Variants in LHFPL3 observed in about 807,000 individuals in gnomAD.
LHFPL3 encodes LHFPL tetraspan subfamily member 3 protein.
A neutral mutation model predicts 19.3 loss-of-function variants in LHFPL3; 5 were observed. The observed-to-expected ratio is 0.26, with a 90% CI of 0.14 to 0.54. The LOEUF (loss-of-function observed/expected upper bound fraction) is 0.54. Among genes scored for constraint, LHFPL3 ranks in the 20% least tolerant of loss-of-function variants. LHFPL3 has a pLI of 0.94. For synonymous variants in LHFPL3, 133 were observed against 126.2 expected (o/e 1.05, Z -0.36); for missense variants, 249 against 307.4 (o/e 0.81, Z 1.42).
chr7:104,730,584 A>G (rs1793681360), intron 1 of LHFPL3, among the ~76,000 whole-genome samples: 1 of 140,468 alleles, frequency 7.1e-6, no homozygotes, highest in Non-Finnish European at 1.6e-5. Flanking sequence ...CCACTTTTTG[A>G]TGGGGTTGTT....
chr7:104,586,036 G>C (rs1043978645), intron 1 of LHFPL3, among the ~76,000 whole-genome samples: 1 of 152,074 alleles, frequency 6.6e-6, no homozygotes, highest in Non-Finnish European at 1.5e-5. Context: ...TACAGTTGAA[G>C]AGTGTCAGTC....
chr7:104,454,041 G>A (rs189397146), intron 1 of LHFPL3, among the ~76,000 whole-genome samples: 1 of 152,218 alleles, frequency 6.6e-6, no homozygotes, highest in East Asian at 1.9e-4. Flanking sequence ...TGCCTAATAC[G>A]CCTGTCTACA....
chr7:104,907,403 T>C lies in LHFPL3; in HGVS notation c.*1188T>C, dbSNP rs1385241401. On this transcript the variant is annotated 3_prime_UTR_variant, in exon 3 of 3. Coordinates refer to ENST00000424859, the MANE Select transcript of LHFPL3 (RefSeq NM_199000.3). ...ACCTTTTTGTTTACTAATGTTGGTT[T>C]CAAAAATACTCAGATTCATTTTAGT... is the stretch of plus-strand genomic sequence containing the variant. Among the ~76,000 whole-genome samples the C allele has an allele frequency of 6.6e-6, 1 of 152,180 alleles. No individual in the cohort carries two copies. The highest frequency in any genetic ancestry group is 1.9e-4 in the East Asian group (1 of 5,204).
chr7:104,707,476 A>G (rs1379356251), intron 1 of LHFPL3, among the ~76,000 whole-genome samples: 1 of 152,192 alleles, frequency 6.6e-6, no homozygotes, highest in East Asian at 1.9e-4. Flanking sequence ...AGCAGTTTAT[A>G]TCCTGGAAGA....
At chr7:104,686,802 A>C (rs1410253772) in intron 1 of LHFPL3, among the ~76,000 whole-genome samples, 1 of 152,216 alleles carries the variant, frequency 6.6e-6, no homozygotes, top group Non-Finnish European at 1.5e-5. Context: ...ATTGACTCAC[A>C]GTTCCGCATG....
At chr7:104,829,543 AT>A (rs1790902772) in intron 2 of LHFPL3, among the ~76,000 whole-genome samples, 1 of 149,836 alleles carries the variant, frequency 6.7e-6, no homozygotes, top group Non-Finnish European at 1.5e-5. Flanking sequence ...AGGTGTTCTC[AT>A]TGTTCAGTTC....
At chr7:104,853,587 T>C (rs576164423) in intron 2 of LHFPL3, among the ~76,000 whole-genome samples, 31 of 152,366 alleles carry the variant, frequency 2.0e-4, no homozygotes, top group African/African-American at 7.2e-4. Context: ...AAATGAATGG[T>C]AAATTAGTGC....
intron 1 of LHFPL3, among the ~76,000 whole-genome samples, chr7:104,465,672 C>G (rs1411309742): frequency 6.6e-6 from 1 of 152,194 alleles, no homozygotes; most frequent in Non-Finnish European, 1.5e-5. Flanking sequence ...AACTCACTCA[C>G]TATCATGAGA....
intron 1 of LHFPL3, among the ~76,000 whole-genome samples, chr7:104,415,475 C>G (rs993287789): frequency 7.2e-5 from 11 of 152,014 alleles, no homozygotes; most frequent in Non-Finnish European, 1.5e-4. Flanking sequence ...CTTTCCTTCC[C>G]ATCCCTTCTG....
At chr7:104,858,516 T>G (rs1791553074) in intron 2 of LHFPL3, among the ~76,000 whole-genome samples, 1 of 152,172 alleles carries the variant, frequency 6.6e-6, no homozygotes, top group South Asian at 2.1e-4. Flanking sequence ...TTTCATTTCT[T>G]GCAGACCCCT....
intron 1 of LHFPL3, among the ~76,000 whole-genome samples, chr7:104,544,136 T>C (rs923978308): frequency 6.6e-6 from 1 of 152,010 alleles, no homozygotes; most frequent in African/African-American, 2.4e-5. Context: ...CTAGGTGCTA[T>C]TCAGAGTAAA....
intron 1 of LHFPL3, among the ~76,000 whole-genome samples, chr7:104,423,228 G>A (rs1791769195): frequency 6.6e-6 from 1 of 152,194 alleles, no homozygotes; most frequent in Admixed American, 6.5e-5. Context: ...CTTGGAGGCT[G>A]TGATGGACAT....
At chr7:104,760,719 C>G (rs1794357108) in intron 2 of LHFPL3, among the ~76,000 whole-genome samples, 1 of 152,154 alleles carries the variant, frequency 6.6e-6, no homozygotes, top group African/African-American at 2.4e-5. Flanking sequence ...ATGCTATGCT[C>G]AAGAAGTGAG....
At chr7:104,656,064 A>G (rs1432570725) in intron 1 of LHFPL3, among the ~76,000 whole-genome samples, 1 of 152,198 alleles carries the variant, frequency 6.6e-6, no homozygotes, top group East Asian at 1.9e-4. Context: ...TGGTTGTACA[A>G]AAAATAATTG....
intron 1 of LHFPL3, among the ~76,000 whole-genome samples, chr7:104,595,053 G>A (rs1247266496): frequency 6.6e-6 from 1 of 152,194 alleles, no homozygotes; most frequent in East Asian, 1.9e-4. Flanking sequence ...ACTTCTCAAA[G>A]TCATTCTCCG....
intron 2 of LHFPL3, chr7:104,768,933 C>A (rs1794504506): frequency 6.6e-6 from 1 of 152,240 alleles, no homozygotes; most frequent in African/African-American, 2.4e-5. Context: ...CTTCTCTGAA[C>A]ACCAGCTTAG....
At chr7:104,481,384 C>T (rs1362000977) in intron 1 of LHFPL3, among the ~76,000 whole-genome samples, 3 of 152,188 alleles carry the variant, frequency 2.0e-5, no homozygotes, top group South Asian at 4.1e-4. Flanking sequence ...ATTCATGTGA[C>T]ATACAAGGCC....
At chr7:104,529,063 G>A (rs1047383629) in intron 1 of LHFPL3, among the ~76,000 whole-genome samples, 3 of 152,120 alleles carry the variant, frequency 2.0e-5, no homozygotes, top group Non-Finnish European at 4.4e-5. Context: ...ACAGCTCCAG[G>A]CTCATAGGAC....
chr7:104,572,190 T>G (rs1790243067), intron 1 of LHFPL3, among the ~76,000 whole-genome samples: 1 of 152,212 alleles, frequency 6.6e-6, no homozygotes, highest in South Asian at 2.1e-4. Context: ...GGTGCAAAAG[T>G]TATTGCGATT....
Sources: gnomAD v4.1 joint callset for allele counts (sites outside exome capture counted in the v4.1 genomes callset) on GRCh38, gnomAD v4.1.1 for gene constraint, MANE v1.5 for transcripts, NCBI Gene and HGNC (gene_info 2026-07-23, HGNC 2026-07-21) for gene names.